The following ANO4 variants were observed in gnomAD, a reference collection of about 807,000 sequenced individuals.
ANO4 encodes anoctamin-4.
Under a neutral mutation model 141.9 loss-of-function variants are expected in ANO4, and 69 were observed. The ratio of observed to expected loss-of-function variants is 0.49; its 90% CI spans 0.40 to 0.59. ANO4 has a LOEUF of 0.59. Among genes scored for constraint, ANO4 ranks in the 20% least tolerant of loss-of-function variants. The probability of loss-of-function intolerance (pLI) is 0.00; values close to 1 mark genes in which losing one functional copy is unlikely to be tolerated. For missense variants in ANO4, 894 were observed against 1,162.2 expected (o/e 0.77, Z 3.36); for synonymous variants, 350 against 394.3 (o/e 0.89, Z 1.33).
chr12:101,122,711 T>C (rs1238007512), intron 26 of ANO4, among the ~76,000 whole-genome samples: 11 of 152,194 alleles, frequency 7.2e-5, no homozygotes, highest in Admixed American at 1.3e-4. Context: ...ATTATTGCCA[T>C]CATCATTACC....
intron 1 of ANO4, among the ~76,000 whole-genome samples, chr12:100,878,886 A>G (rs1177370893): frequency 6.6e-6 from 1 of 152,162 alleles, no homozygotes; most frequent in Non-Finnish European, 1.5e-5. Flanking sequence ...TCACCAGTCA[A>G]TATTTATTTC....
intron 8 of ANO4, among the ~76,000 whole-genome samples, chr12:100,989,975 A>AGATGGTTG (rs2045008060): frequency 7.6e-6 from 1 of 131,756 alleles, no homozygotes; most frequent in Non-Finnish European, 1.6e-5. Context: ...ATAGGTCACC[A>AGATGGTTG]GATGGATGGA....
intron 2 of ANO4, among the ~76,000 whole-genome samples, chr12:100,904,015 T>A (rs2040722689): frequency 6.6e-6 from 1 of 152,196 alleles, no homozygotes; most frequent in Non-Finnish European, 1.5e-5. Context: ...ATACCCTGGT[T>A]TTGCTCTGTT....
At chr12:101,014,080 T>C (rs1347475161) in intron 8 of ANO4, among the ~76,000 whole-genome samples, 1 of 152,182 alleles carries the variant, frequency 6.6e-6, no homozygotes, top group Non-Finnish European at 1.5e-5. Flanking sequence ...TTTTCACCTT[T>C]GCATTCCCCT....
intron 5 of ANO4, 28 bp downstream of exon 5, chr12:100,942,563 A>AT: frequency 6.2e-7 from 1 of 1,604,070 alleles, no homozygotes; most frequent in Non-Finnish European, 8.5e-7. Flanking sequence ...ATGAGAAAAA[A>AT]ATATATACAT....
Position 101,036,193 on chromosome 12 carries a change from AGTG to A in ANO4, c.842-899_842-897del, listed in dbSNP as rs374514008. Among the ~76,000 whole-genome samples the A allele has an allele frequency of 9.5e-4, 144 of 152,304 alleles. 1 individual carries two copies. In the East Asian group the frequency reaches 0.023, roughly 24 times the overall value. ...CCCGTTAGAATGGCTCTTATCAAAA[AGTG>A]GTAAGTGTTGGCAAGTGTGTGGAGA... On this transcript the variant is annotated intron_variant, in intron 9 of 27. Transcript: ENST00000392977.
At chr12:101,069,895 G>A (rs1037127225) in intron 14 of ANO4, among the ~76,000 whole-genome samples, 2 of 152,094 alleles carry the variant, frequency 1.3e-5, no homozygotes, top group African/African-American at 4.8e-5. Context: ...AAAAGTATGA[G>A]CTCCTTCCAT....
intron 1 of ANO4, among the ~76,000 whole-genome samples, chr12:100,897,306 A>G (rs940043476): frequency 2.0e-5 from 3 of 152,202 alleles, no homozygotes; most frequent in African/African-American, 7.2e-5. Flanking sequence ...AGGCTGAGGG[A>G]GGCAGCTAAG....
At chr12:101,117,718 G>A (rs992665464) in intron 25 of ANO4, among the ~76,000 whole-genome samples, 2 of 152,096 alleles carry the variant, frequency 1.3e-5, no homozygotes, top group Non-Finnish European at 2.9e-5. Context: ...ACAAAACAAA[G>A]AATTTTGGAG....
chr12:100,849,448 G>A lies in ANO4; in HGVS notation c.-140-52198G>A, dbSNP rs547932198. On this transcript the variant is annotated intron_variant, in intron 1 of 27. Coordinates refer to ENST00000392977, the MANE Select transcript of ANO4 (RefSeq NM_001286615.2). ...TTTCTCCAACCCAGAGGCAGTCAAC[G>A]TTTTAGTTTTATACCTTTCACAAGA... Among the ~76,000 whole-genome samples the A allele has an allele frequency of 3.3e-5, 5 of 152,264 alleles. No individual in the cohort carries two copies. In the East Asian group the frequency reaches 5.8e-4, roughly 18 times the overall value.
chr12:100,766,986 G>A (rs887153914), intron 3 of ANO4, among the ~76,000 whole-genome samples: 1 of 152,088 alleles, frequency 6.6e-6, no homozygotes, highest in Non-Finnish European at 1.5e-5. Flanking sequence ...TCTTGTGACA[G>A]TTTGTGATTT....
intron 17 of ANO4, 112 bp from the exon 18 acceptor site, chr12:101,094,144 G>A: frequency 3.7e-6 from 3 of 801,870 alleles, no homozygotes; most frequent in South Asian, 3.4e-5. Flanking sequence ...TTGAGCAATG[G>A]ATGCTTAATG....
chr12:100,841,863 T>G (rs999398400), intron 1 of ANO4, among the ~76,000 whole-genome samples: 3 of 152,192 alleles, frequency 2.0e-5, no homozygotes, highest in Non-Finnish European at 4.4e-5. Context: ...TTGCTCTTTG[T>G]AGACAACAAT....
intron 14 of ANO4, among the ~76,000 whole-genome samples, chr12:101,049,107 A>G (rs1355799108): frequency 6.6e-6 from 1 of 152,242 alleles, no homozygotes; most frequent in Non-Finnish European, 1.5e-5. Context: ...TTTGGAAAGG[A>G]AGATTCATGG....
At chr12:100,952,080 G>A (rs2042992666) in intron 5 of ANO4, among the ~76,000 whole-genome samples, 1 of 152,148 alleles carries the variant, frequency 6.6e-6, no homozygotes, top group Non-Finnish European at 1.5e-5. Flanking sequence ...GTGTCTAGGG[G>A]GTAGCGCTTC....
chr12:100,728,443 A>C (rs2031236162), intron 1 of ANO4, among the ~76,000 whole-genome samples: 1 of 152,150 alleles, frequency 6.6e-6, no homozygotes, highest in African/African-American at 2.4e-5. Flanking sequence ...TGCCTAACCC[A>C]ACTTGTGATA....
At chr12:100,739,876 G>A (rs1419117909) in exon 3 of ANO4, 1 of 702,524 alleles carries the variant, frequency 1.4e-6, no homozygotes, top group Non-Finnish European at 2.6e-6. Context: ...CGGGGCCTGT[G>A]GCAATTGGGC....
chr12:100,950,676 AG>A (rs2042936152), intron 5 of ANO4, among the ~76,000 whole-genome samples: 1 of 152,194 alleles, frequency 6.6e-6, no homozygotes, highest in Non-Finnish European at 1.5e-5. Context: ...CTCGGTAATC[AG>A]CAGGTGCAGC....
intron 7 of ANO4, among the ~76,000 whole-genome samples, chr12:100,984,948 A>T (rs934079039): frequency 2.0e-5 from 3 of 151,736 alleles, no homozygotes; most frequent in Admixed American, 6.6e-5. Context: ...GTTTTTATCC[A>T]TGCTGAGCAC....
Sources: allele counts gnomAD v4.1 joint callset (sites outside exome capture counted in the v4.1 genomes callset), GRCh38; gene constraint gnomAD v4.1.1; transcripts MANE v1.5; gene names NCBI Gene and HGNC (gene_info 2026-07-23, HGNC 2026-07-21).